NTS: variants seen among roughly 807,000 people sequenced by gnomAD.
NTS encodes neurotensin.
A neutral mutation model predicts 19.5 loss-of-function variants in NTS; 20 were observed. The ratio of observed to expected loss-of-function variants is 1.02; its 90% CI spans 0.72 to 1.49. NTS has a LOEUF of 1.49. Ranked by LOEUF, NTS falls within the 40% of genes most tolerant of loss-of-function variation. The probability of loss-of-function intolerance (pLI) is 0.00; values close to 1 mark genes in which losing one functional copy is unlikely to be tolerated. For missense variants in NTS, 215 were observed against 193.1 expected (o/e 1.11, Z -0.67); for synonymous variants, 71 against 63.3 (o/e 1.12, Z -0.58).
chr12:85,874,386 T>G lies in NTS; in HGVS notation c.-18T>G, dbSNP rs777225480. 8.7e-6 allele frequency: 14 copies of G among 1,605,490 alleles called. No individual in the cohort carries two copies. The African/African-American group carries it at 1.3e-4, about 15-fold the overall frequency. On this transcript the variant is annotated 5_prime_UTR_variant, in exon 1 of 4. Transcript: ENST00000256010. Reference sequence around the variant, plus strand: ...TGCTTCTGACTTTTACGGACTTGGCTTGTTAGAAGGCTGAAAGATGATGGC... The same window carrying G: ...TGCTTCTGACTTTTACGGACTTGGCGTGTTAGAAGGCTGAAAGATGATGGC...
chr12:85,876,614 G>A (rs781487181), intron 1 of NTS, 26 bp from the exon 2 acceptor site: 8 of 1,473,936 alleles, frequency 5.4e-6, no homozygotes, highest in African/African-American at 1.4e-5. Context: ...TGTAATTATA[G>A]TAAACCTGAT....
chr12:85,876,953 T>C (rs1242771130), intron 2 of NTS, among the ~76,000 whole-genome samples: 1 of 152,132 alleles, frequency 6.6e-6, no homozygotes, highest in African/African-American at 2.4e-5. Context: ...TTTACTTGCC[T>C]GTAAATGTTT....
chr12:85,882,177 A>G (rs769092219), intron 3 of NTS, 46 bp from the exon 4 acceptor site: 265 of 1,436,098 alleles, frequency 1.8e-4, no homozygotes, highest in Non-Finnish European at 2.5e-4. Context: ...CTGAAACAAA[A>G]GAGTTTATTC....
chr12:85,879,323 A>AT (rs376804099), intron 3 of NTS, among the ~76,000 whole-genome samples: 36 of 104 alleles, frequency 0.35, 16 homozygotes, highest in Admixed American at 0.71. Flanking sequence ...AAATATATTT[A>AT]ATGTATATTT....
In NTS at chr12:85,874,475, A is replaced by G. The variant is rs149179380; in HGVS notation, c.72A>G (p.Ser24=). The G allele has an allele frequency of 2.5e-6, 4 of 1,609,378 alleles. No homozygotes were observed. The highest frequency in any genetic ancestry group is 3.4e-6 in the Non-Finnish European group (4 of 1,175,798). The change falls in exon 1 of 4, where the codon TCA becomes TCG. Residue 24 remains serine (S), a splice_region_variant and synonymous_variant. Transcript: ENST00000256010. ...LLAFSSWSLC[S]DSEEEMKALE... The stretch of plus-strand genomic sequence containing the variant: ...CTTTCAGCTCCTGGAGTCTGTGCTC[A>G]GGTAAGCAAAACAGAATTTCACAAC...
intron 2 of NTS, among the ~76,000 whole-genome samples, chr12:85,877,460 C>G (rs1881372996): frequency 6.7e-6 from 1 of 149,072 alleles, no homozygotes; most frequent in South Asian, 2.1e-4. Context: ...CCCTATTACT[C>G]CTCTATTGGG....
chr12:85,875,638 G>A (rs1881324684), intron 1 of NTS, among the ~76,000 whole-genome samples: 2 of 151,852 alleles, frequency 1.3e-5, no homozygotes, highest in African/African-American at 4.8e-5. Flanking sequence ...ACATACTTCT[G>A]GAAGAAAAAC....
rs1881525251 is a variant in NTS, at chr12:85,882,519, A to C, written c.*144A>C. 3.2e-6 allele frequency: 2 copies of C among 634,370 alleles called. No individual in the cohort carries two copies. Among genetic ancestry groups the C allele is most frequent in the African/African-American group, 3.8e-5 (2 of 52,858 alleles). 39.3% of individuals were successfully genotyped at this position (634,370 alleles called of 1,614,324 possible). On this transcript the variant is annotated 3_prime_UTR_variant, in exon 4 of 4. Coordinates refer to ENST00000256010, the MANE Select transcript of NTS (RefSeq NM_006183.5). Reference sequence around the variant, plus strand: ...TATTGAATGTGATTTTTCTGCACTAATATAAATTAGACTAAGTGTTTTCAA... The same window carrying C: ...TATTGAATGTGATTTTTCTGCACTACTATAAATTAGACTAAGTGTTTTCAA...
At chr12:85,879,039 T>TA (rs1881413362) in intron 3 of NTS, among the ~76,000 whole-genome samples, 1 of 132,074 alleles carries the variant, frequency 7.6e-6, no homozygotes, top group South Asian at 2.3e-4. Context: ...AATATATTTT[T>TA]ATGTACATAA....
chr12:85,882,144 G>GAGAT (rs1171892204), intron 3 of NTS, 79 bp from the exon 4 acceptor site: 2 of 1,113,108 alleles, frequency 1.8e-6, no homozygotes, highest in East Asian at 2.4e-5. Flanking sequence ...AACAGCAAAT[G>GAGAT]AGATAGAATG....
chr12:85,875,846 T>G (rs1386930055), intron 1 of NTS, among the ~76,000 whole-genome samples: 2 of 152,050 alleles, frequency 1.3e-5, no homozygotes, highest in Non-Finnish European at 2.9e-5. Context: ...TTGTGGCATT[T>G]CTTTTTACTG....
rs1881431995 is a variant in NTS, at chr12:85,879,338, T to TACGTAAA, written c.360+770_360+771insCGTAAAA. Reference sequence around the variant, plus strand: ...AAATATATTTAATGTATATTTTATGTATATTTTATGTATATAAAACATATT... The same window carrying TACGTAAA: ...AAATATATTTAATGTATATTTTATGTACGTAAAATATTTTATGTATATAAAACATATT... On this transcript the variant is annotated intron_variant, in intron 3 of 3. Coordinates refer to ENST00000256010, the MANE Select transcript of NTS (RefSeq NM_006183.5). 9.0e-5 allele frequency among the ~76,000 whole-genome samples: 9 copies of TACGTAAA among 99,910 alleles called. 3 individuals are homozygous for TACGTAAA. Among genetic ancestry groups the TACGTAAA allele is most frequent in the Admixed American group, 2.3e-4 (2 of 8,730 alleles). 65.5% of individuals were successfully genotyped at this position (99,910 alleles called of 152,430 possible).
chr12:85,882,175 A>G (rs1388969015), intron 3 of NTS, 48 bp from the exon 4 acceptor site: 2 of 1,432,442 alleles, frequency 1.4e-6, no homozygotes, highest in Non-Finnish European at 1.9e-6. Context: ...CTCTGAAACA[A>G]AAGAGTTTAT....
Position 85,874,487 on chromosome 12 carries a change from CAG to C in NTS, c.73+13_73+14del. On this transcript the variant is annotated intron_variant, in intron 1 of 3. Coordinates refer to ENST00000256010, the MANE Select transcript of NTS (RefSeq NM_006183.5). ...GGAGTCTGTGCTCAGGTAAGCAAAA[CAG>C]AATTTCACAACTCCCTGAAGTGATT... 1.3e-6 allele frequency: 2 copies of C among 1,582,738 alleles called. No homozygotes were observed. The highest frequency in any genetic ancestry group is 1.7e-6 in the Non-Finnish European group (2 of 1,151,562).
intron 1 of NTS, among the ~76,000 whole-genome samples, chr12:85,875,407 T>C (rs1881318987): frequency 6.6e-6 from 1 of 152,100 alleles, no homozygotes; most frequent in African/African-American, 2.4e-5. Context: ...TTATGTATCA[T>C]AAATATGACA....
rs1881520545 is a variant in NTS at position 85,882,355 on chromosome 12, AGAG to A, written c.494_496del (p.Arg165_Asp166delinsAsn). On this transcript the variant is annotated inframe_deletion, in exon 4 of 4. Coordinates refer to ENST00000256010, the MANE Select transcript of NTS (RefSeq NM_006183.5). Reference sequence around the variant, plus strand: ...ACCCAGAAGACCCTACATACTCAAAAGAGATTCTTACTATTACTGAGAGAATAA... The same window carrying A: ...ACCCAGAAGACCCTACATACTCAAAAATTCTTACTATTACTGAGAGAATAA... 1 of 1,581,278 alleles carries A rather than the reference AGAG, an allele frequency of 6.3e-7. No individual in the cohort carries two copies. The highest frequency in any genetic ancestry group is 8.5e-7 in the Non-Finnish European group (1 of 1,169,940).
chr12:85,881,273 G>T (rs1226273747), intron 3 of NTS, among the ~76,000 whole-genome samples: 1 of 151,952 alleles, frequency 6.6e-6, no homozygotes, highest in Non-Finnish European at 1.5e-5. Context: ...AAAATACTTG[G>T]TTGTAAGATT....
rs12312795 is a variant in NTS, at chr12:85,879,309, T to C, written c.360+740T>C. Among the ~76,000 whole-genome samples, 133 of 86,870 alleles carry C rather than the reference T, an allele frequency of 1.5e-3. 50 individuals are homozygous for C. Among genetic ancestry groups the C allele is most frequent in the Middle Eastern group, 0.019 (1 of 52 alleles). The allele number at this position is 86,870 out of a possible 152,430, so 57.0% of individuals were successfully genotyped here. A position where few individuals can be genotyped will look rare whatever the true frequency, so the allele number is the denominator to read the frequency against. ...ATATATTTTATGTATATTTTATGTA[T>C]ATAAAATATATTTAATGTATATTTT... On this transcript the variant is annotated intron_variant, in intron 3 of 3. Transcript: ENST00000256010.
At chr12:85,878,600 A>T (rs58553548) in intron 3 of NTS, 31 bp downstream of exon 3, 322,009 of 1,318,856 alleles carry the variant, frequency 0.24, 41,378 homozygotes, top group African/African-American at 0.31. Flanking sequence ...TAATATGATT[A>T]TAGTTACACT....
Sources: gnomAD v4.1 joint callset for allele counts (sites outside exome capture counted in the v4.1 genomes callset) on GRCh38, gnomAD v4.1.1 for gene constraint, MANE v1.5 for transcripts, NCBI Gene and HGNC (gene_info 2026-07-23, HGNC 2026-07-21) for gene names.